RCBTB1: variants seen among roughly 807,000 people sequenced by gnomAD.
RCBTB1 encodes the protein RCC1 and BTB domain-containing protein 1.
In RCBTB1, 46 loss-of-function variants were observed where a neutral mutation model predicts 62.4. That is an observed-to-expected ratio of 0.74 (90% confidence interval 0.58 to 0.94). The LOEUF (loss-of-function observed/expected upper bound fraction) is 0.94, where lower values mean the gene tolerates loss of function less well. Among genes scored for constraint, RCBTB1 ranks in the 40% least tolerant of loss-of-function variants. RCBTB1 has a pLI of 0.00. For synonymous variants in RCBTB1, 222 were observed against 245.8 expected, an observed-to-expected ratio of 0.90 and a Z score of 0.91; for missense variants, 565 against 654.9, an observed-to-expected ratio of 0.86 and a Z score of 1.50.
chr13:49,534,199 C>G lies in RCBTB1; in HGVS notation c.1519G>C (p.Ala507Pro). 1.2e-6 allele frequency: 2 copies of G among 1,614,140 alleles called. No individual in the cohort carries two copies. Among genetic ancestry groups the G allele is most frequent in the East Asian group, 2.2e-5 (1 of 44,888 alleles). Residue 507 changes from alanine (A) to proline (P), a missense_variant, in exon 13 of 13, where the codon GCA becomes CCA. Physicochemically the swap from Ala to Pro is conservative, Grantham distance 27. Coordinates refer to ENST00000378302, the MANE Select transcript of RCBTB1 (RefSeq NM_018191.4). ...NHLTEVTQTAAFWQMDGPLLK... is the reference protein window; with the variant it reads ...NHLTEVTQTAPFWQMDGPLLK... The stretch of plus-strand genomic sequence containing the variant: ...AGAGGGCCATCCATTTGCCAAAATG[C>G]TGCAGTCTGTGTAACTTCTGTCAAA...
intron 5 of RCBTB1, among the ~76,000 whole-genome samples, chr13:49,559,522 G>A (rs962110229): frequency 6.6e-6 from 1 of 152,084 alleles, no homozygotes; most frequent in African/African-American, 2.4e-5. Flanking sequence ...CGGGTGTGGT[G>A]GTGGGTGCCT....
At chr13:49,538,190 C>T (rs1325754377) in intron 12 of RCBTB1, 1 of 152,316 alleles carries the variant, frequency 6.6e-6, no homozygotes, top group Admixed American at 6.5e-5. Context: ...ATGGCAGTCT[C>T]ACTATGTTGT....
chr13:49,551,221 G>T, intron 8 of RCBTB1, 105 bp downstream of exon 8: 3 of 1,339,484 alleles, frequency 2.2e-6, no homozygotes, highest in Non-Finnish European at 3.1e-6. Context: ...AAATGAGAAT[G>T]TTAATAAACA....
At chr13:49,565,057 G>A (rs968813221) in intron 4 of RCBTB1, among the ~76,000 whole-genome samples, 3 of 151,918 alleles carry the variant, frequency 2.0e-5, no homozygotes, top group Non-Finnish European at 4.4e-5. Context: ...GTCTCCCTCT[G>A]ATGCCGAGCC....
At chr13:49,577,015 C>T (rs1050776990) in intron 2 of RCBTB1, among the ~76,000 whole-genome samples, 3 of 152,240 alleles carry the variant, frequency 2.0e-5, no homozygotes, top group African/African-American at 7.2e-5. Flanking sequence ...CCCCACTGCA[C>T]TTATCCTACG....
chr13:49,545,247 T>A (rs539633822), intron 9 of RCBTB1, among the ~76,000 whole-genome samples: 1 of 152,184 alleles, frequency 6.6e-6, no homozygotes, highest in Non-Finnish European at 1.5e-5. Flanking sequence ...GAATATCTTT[T>A]TTCTGCTTTG....
In RCBTB1 at chr13:49,559,953, A is replaced by G; in HGVS notation, c.409T>C (p.Ser137Pro). 1 of 1,614,122 alleles carries G rather than the reference A, an allele frequency of 6.2e-7. No homozygotes were observed. The highest frequency in any genetic ancestry group is 8.5e-7 in the Non-Finnish European group (1 of 1,179,986). Residue 137 changes from serine (S) to proline (P), a missense_variant, in exon 5 of 13, where the codon TCA becomes CCA. Transcript: ENST00000378302. ...IKQVVEVACG[S>P]HHSMALAADG... Reference sequence around the variant, plus strand: ...GCTGCCAGAGCCATTGAATGATGTGAGCCACAAGCTACTTCCACCACTTGC... The same window carrying G: ...GCTGCCAGAGCCATTGAATGATGTGGGCCACAAGCTACTTCCACCACTTGC...
chr13:49,583,387 TG>T (rs1964215790), intron 1 of RCBTB1, among the ~76,000 whole-genome samples: 2 of 10,362 alleles, frequency 1.9e-4, no homozygotes, highest in Non-Finnish European at 4.4e-4. Context: ...CTTTTGTGTA[TG>T]TGTGTGTGTG....
At position 49,549,523 on chromosome 13, in the gene RCBTB1, G is replaced by C; in HGVS notation, c.980C>G (p.Ser327Cys). 6.2e-7 allele frequency: 1 copy of C among 1,614,020 alleles called. No homozygotes were observed. The change falls in exon 9 of 13, where the codon TCC (serine) becomes TGC (cysteine). Residue 327 changes from serine to cysteine, a missense_variant. Ser to Cys is a moderately radical substitution (Grantham distance 112, BLOSUM62 -1). Transcript: ENST00000378302. ...GCAGGCAAACACGTCGTCGGTGCAG[G>C]AGAAGTGGGTGAGGTGCGGGAGGAT... ...SVILPHLTHF[S>C]CTDDVFACFA...
At chr13:49,583,125 C>T (rs984974028) in intron 1 of RCBTB1, among the ~76,000 whole-genome samples, 3 of 152,078 alleles carry the variant, frequency 2.0e-5, no homozygotes, top group Non-Finnish European at 2.9e-5. Context: ...GAGCTATGAT[C>T]ACATGGCACA....
chr13:49,542,147 G>A (rs1019828138), intron 10 of RCBTB1, among the ~76,000 whole-genome samples: 1 of 151,872 alleles, frequency 6.6e-6, no homozygotes, highest in Non-Finnish European at 1.5e-5. Context: ...CCGGGAGGTG[G>A]AGGTTGTGGC....
chr13:49,550,598 T>C (rs2139176162), intron 8 of RCBTB1: 1 of 216,106 alleles, frequency 4.6e-6, no homozygotes, highest in South Asian at 1.6e-4. Flanking sequence ...TTAAAAGTTG[T>C]TTTACTTGGC....
intron 9 of RCBTB1, 104 bp from the exon 10 acceptor site, chr13:49,544,967 G>GTT: frequency 2.5e-5 from 20 of 802,460 alleles, no homozygotes; most frequent in Middle Eastern, 2.8e-4. Context: ...AATTCCACTT[G>GTT]TTTTTTTTTC....
intron 9 of RCBTB1, among the ~76,000 whole-genome samples, chr13:49,547,742 T>C (rs1960932561): frequency 6.6e-6 from 1 of 152,228 alleles, no homozygotes; most frequent in Non-Finnish European, 1.5e-5. Context: ...AAGACAAAGA[T>C]AGAAAGAAAG....
chr13:49,584,248 T>TA (rs1309310151), intron 1 of RCBTB1, among the ~76,000 whole-genome samples: 2 of 97,642 alleles, frequency 2.0e-5, no homozygotes, highest in Non-Finnish European at 4.1e-5. Flanking sequence ...ATCACACACT[T>TA]AAAAAAATCA....
At chr13:49,546,570 G>C (rs1960801786) in intron 9 of RCBTB1, among the ~76,000 whole-genome samples, 2 of 152,176 alleles carry the variant, frequency 1.3e-5, no homozygotes, top group Admixed American at 1.3e-4. Flanking sequence ...CCATAATGTA[G>C]AATCAGTGGG....
In RCBTB1 at chr13:49,534,506, A is replaced by ACG. The variant is rs534138775; in HGVS notation, c.1456-246_1456-245dup. 1.6e-4 allele frequency among the ~76,000 whole-genome samples: 24 copies of ACG among 151,350 alleles called. No homozygotes were observed. The East Asian group carries it at 2.5e-3, about 16-fold the overall frequency. On this transcript the variant is annotated intron_variant, in intron 12 of 12. Transcript: ENST00000378302. ...CAAAGTACGACTCTTCAAAACACACACGCGCGCGCACACACACACACACGC... is the reference window on the plus strand; with the variant it reads ...CAAAGTACGACTCTTCAAAACACACACGCGCGCGCGCACACACACACACACGC...
chr13:49,565,305 G>A (rs965490975), intron 4 of RCBTB1, among the ~76,000 whole-genome samples: 3 of 152,186 alleles, frequency 2.0e-5, no homozygotes, highest in Non-Finnish European at 4.4e-5. Flanking sequence ...ACGGAGTCTC[G>A]TTCACTCAGT....
intron 9 of RCBTB1, among the ~76,000 whole-genome samples, chr13:49,549,181 C>T (rs7333969): frequency 0.58 from 85,994 of 147,096 alleles, 26,449 homozygotes; most frequent in Non-Finnish European, 0.69. Context: ...ATGTTCTAAA[C>T]GCAACTAAAC....
Sources: gnomAD v4.1 joint callset for allele counts (sites outside exome capture counted in the v4.1 genomes callset) on GRCh38, gnomAD v4.1.1 for gene constraint, MANE v1.5 for transcripts, NCBI Gene and HGNC (gene_info 2026-07-23, HGNC 2026-07-21) for gene names.